Variants in MGAT4C observed in about 807,000 individuals in gnomAD.
MGAT4C encodes the protein MGAT4 family member C, also known as alpha-1,3-mannosyl-glycoprotein 4-beta-N-acetylglucosaminyltransferase C.
Under a neutral mutation model 40.1 loss-of-function variants are expected in MGAT4C, and 19 were observed. The observed-to-expected ratio is 0.47, with a 90% CI of 0.33 to 0.70. The LOEUF (loss-of-function observed/expected upper bound fraction) is 0.70. Among genes scored for constraint, MGAT4C ranks in the 30% least tolerant of loss-of-function variants. The pLI is 0.02. For synonymous variants in MGAT4C, 181 were observed against 187.1 expected (o/e 0.97, Z 0.27); for missense variants, 491 against 563.2 (o/e 0.87, Z 1.30).
chr12:86,754,597 T>C (rs1011720103), intron 1 of MGAT4C, among the ~76,000 whole-genome samples: 1 of 152,098 alleles, frequency 6.6e-6, no homozygotes, highest in Non-Finnish European at 1.5e-5. Context: ...TGAGAAGAGA[T>C]ATTTTTCCCT....
intron 1 of MGAT4C, among the ~76,000 whole-genome samples, chr12:86,763,366 A>T (rs1951438707): frequency 6.6e-6 from 1 of 151,870 alleles, no homozygotes; most frequent in Non-Finnish European, 1.5e-5. Flanking sequence ...CATATGCAGT[A>T]TTTTTTTTCA....
At chr12:86,688,193 GCTTGGTAAATATTCCTCCATCC>G (rs1950110412) in intron 2 of MGAT4C, among the ~76,000 whole-genome samples, 2 of 53,730 alleles carry the variant, frequency 3.7e-5, no homozygotes, top group African/African-American at 1.6e-4. Flanking sequence ...CTTTCCATTT[GCTTGGTAAATATTCCTCCATCC>G]CTTTATCTTG....
chr12:86,587,395 C>A (rs1489889653), intron 2 of MGAT4C, among the ~76,000 whole-genome samples: 1 of 152,042 alleles, frequency 6.6e-6, no homozygotes, highest in Admixed American at 6.6e-5. Context: ...GTGATGCCTC[C>A]AGCTTTGTTC....
intron 3 of MGAT4C, among the ~76,000 whole-genome samples, chr12:86,393,895 G>A (rs1479013530): frequency 3.3e-5 from 5 of 152,166 alleles, no homozygotes; most frequent in East Asian, 3.8e-4. Context: ...CATGCCAATC[G>A]TGTCCCTCAC....
intron 2 of MGAT4C, among the ~76,000 whole-genome samples, chr12:86,694,544 C>A (rs1950222293): frequency 6.6e-6 from 1 of 151,778 alleles, no homozygotes; most frequent in South Asian, 2.1e-4. Flanking sequence ...GTATTTTTTC[C>A]TTGATTGATG....
At chr12:86,507,211 A>G (rs892988802) in intron 2 of MGAT4C, among the ~76,000 whole-genome samples, 5 of 152,210 alleles carry the variant, frequency 3.3e-5, no homozygotes, top group African/African-American at 1.2e-4. Context: ...AACCTCATCT[A>G]GAAAATACAG....
intron 2 of MGAT4C, among the ~76,000 whole-genome samples, chr12:86,480,914 C>T (rs1957927517): frequency 6.6e-6 from 1 of 151,536 alleles, no homozygotes; most frequent in Admixed American, 6.6e-5. Flanking sequence ...TTAATCACAT[C>T]AGGACATTTT....
At chr12:86,588,869 A>G (rs930723330) in intron 2 of MGAT4C, among the ~76,000 whole-genome samples, 2 of 151,886 alleles carry the variant, frequency 1.3e-5, no homozygotes, top group African/African-American at 2.4e-5. Context: ...ACAAAGACAC[A>G]ACATACCAGA....
intron 1 of MGAT4C, among the ~76,000 whole-genome samples, chr12:86,760,312 A>C (rs1951380066): frequency 6.6e-6 from 1 of 152,166 alleles, no homozygotes; most frequent in South Asian, 2.1e-4. Flanking sequence ...AAAACTATCA[A>C]ATCACTAGAA....
chr12:86,695,083 T>G (rs899835390), intron 2 of MGAT4C, among the ~76,000 whole-genome samples: 6 of 152,132 alleles, frequency 3.9e-5, no homozygotes, highest in African/African-American at 1.4e-4. Flanking sequence ...AAAAATCAAG[T>G]AGTCTGATTA....
intron 3 of MGAT4C, among the ~76,000 whole-genome samples, chr12:86,383,390 A>G (rs968625699): frequency 2.0e-5 from 3 of 151,830 alleles, no homozygotes; most frequent in Non-Finnish European, 2.9e-5. Context: ...CATCTCTACT[A>G]AAAATACAAA....
chr12:86,448,886 T>G (rs1957380678), intron 2 of MGAT4C, among the ~76,000 whole-genome samples: 1 of 152,154 alleles, frequency 6.6e-6, no homozygotes, highest in Non-Finnish European at 1.5e-5. Flanking sequence ...TTTTAAATTG[T>G]CAAGGAAAGC....
intron 2 of MGAT4C, among the ~76,000 whole-genome samples, chr12:86,628,792 A>T (rs1962913517): frequency 6.6e-6 from 1 of 152,212 alleles, no homozygotes; most frequent in African/African-American, 2.4e-5. Context: ...CTGCAAAAAC[A>T]TGCCAAATTG....
chr12:86,378,797 G>A (rs1336536949), intron 3 of MGAT4C, among the ~76,000 whole-genome samples: 1 of 152,126 alleles, frequency 6.6e-6, no homozygotes, highest in African/African-American at 2.4e-5. Flanking sequence ...TTGAAGTCAT[G>A]TTGGCTGACG....
intron 2 of MGAT4C, among the ~76,000 whole-genome samples, chr12:86,020,873 A>C (rs1889643796): frequency 1.3e-5 from 2 of 152,196 alleles, no homozygotes; most frequent in African/African-American, 4.8e-5. Flanking sequence ...TCTACAATGA[A>C]CTCAAACAAA....
intron 2 of MGAT4C, among the ~76,000 whole-genome samples, chr12:86,014,021 T>G (rs543086290): frequency 6.6e-6 from 1 of 152,300 alleles, no homozygotes; most frequent in African/African-American, 2.4e-5. Flanking sequence ...CATCTAAAAC[T>G]GTAATTTTCC....
At chr12:86,472,101 T>C (rs1296962841) in intron 2 of MGAT4C, among the ~76,000 whole-genome samples, 1 of 152,184 alleles carries the variant, frequency 6.6e-6, no homozygotes, top group Non-Finnish European at 1.5e-5. Context: ...GTTAATGCTC[T>C]AATTTTTAAA....
intron 4 of MGAT4C, among the ~76,000 whole-genome samples, chr12:86,270,865 T>C (rs1952928100): frequency 6.6e-6 from 1 of 152,284 alleles, no homozygotes; most frequent in Non-Finnish European, 1.5e-5. Context: ...AAATGTCATG[T>C]ATTTATAACT....
chr12:86,764,450 A>T (rs934825493), intron 1 of MGAT4C, among the ~76,000 whole-genome samples: 11 of 151,992 alleles, frequency 7.2e-5, no homozygotes, highest in Middle Eastern at 3.4e-3. Flanking sequence ...CAGACAAACA[A>T]AAAGACAGCA....
Sources: allele counts gnomAD v4.1 joint callset (sites outside exome capture counted in the v4.1 genomes callset), GRCh38; gene constraint gnomAD v4.1.1; transcripts MANE v1.5; gene names NCBI Gene and HGNC (gene_info 2026-07-23, HGNC 2026-07-21).